MYO10: variants seen among roughly 807,000 people sequenced by gnomAD.
MYO10 encodes unconventional myosin-X.
In MYO10, 133 loss-of-function variants were observed where a neutral mutation model predicts 257.3. The ratio of observed to expected loss-of-function variants is 0.52; its 90% CI spans 0.45 to 0.60. The LOEUF is 0.60. Ranked by LOEUF, MYO10 falls within the 20% of genes least tolerant of loss-of-function variation. The pLI, the probability that MYO10 is intolerant of heterozygous loss-of-function variation, is 0.00. For synonymous variants in MYO10, 1,104 were observed against 1,028.6 expected (o/e 1.07, Z -1.40); for missense variants, 2,399 against 2,635.7 (o/e 0.91, Z 1.97).
intron 2 of MYO10, among the ~76,000 whole-genome samples, chr5:16,854,346 T>C (rs1298869834): frequency 6.6e-6 from 1 of 152,246 alleles, no homozygotes; most frequent in Non-Finnish European, 1.5e-5. Flanking sequence ...CATATTCATA[T>C]AATGGACTAT....
At chr5:16,752,428 G>A (rs1228422805) in intron 19 of MYO10, among the ~76,000 whole-genome samples, 9 of 152,000 alleles carry the variant, frequency 5.9e-5, no homozygotes, top group African/African-American at 1.2e-4. Context: ...GACTACAGAC[G>A]TGTGCCACCA....
rs769986180 is a variant in MYO10, at chr5:16,673,926, ATGGGGGCTGGCTGC to A, written c.4965-51_4965-38del. The A allele has an allele frequency of 2.5e-6, 4 of 1,592,464 alleles. No individual in the cohort carries two copies. In the Admixed American group the frequency reaches 6.7e-5, roughly 27 times the overall value. ...ACACTAACTGTTAATTTTTAGACTG[ATGGGGGCTGGCTGC>A]TGGGAGGAACTAGGCTGTGCCAAGG... On this transcript the variant is annotated intron_variant, in intron 35 of 40. Coordinates refer to ENST00000513610, the MANE Select transcript of MYO10 (RefSeq NM_012334.3).
In MYO10 at chr5:16,780,605, G is replaced by A. The variant is rs1395773613; in HGVS notation, c.745C>T (p.Arg249Ter). The A allele has an allele frequency of 1.9e-6, 3 of 1,574,004 alleles. No individual in the cohort carries two copies. Among genetic ancestry groups the A allele is most frequent in the Non-Finnish European group, 2.6e-6 (3 of 1,157,378 alleles). ...RIVDYLLEKN[R>*]VVRQNPGERN... Reference sequence around the variant, plus strand: ...TCCCCGGGATTTTGCCTTACTACTCGGTTCTGGGAAGATAAATCAGATTTA... The same window carrying A: ...TCCCCGGGATTTTGCCTTACTACTCAGTTCTGGGAAGATAAATCAGATTTA... The change falls in exon 8 of 41, where the codon CGA becomes TGA. Residue 249 changes from arginine (R) to a stop codon, truncating the protein, a stop_gained. Transcript: ENST00000513610. LOFTEE classifies it high-confidence loss of function.
intron 19 of MYO10, among the ~76,000 whole-genome samples, chr5:16,715,600 T>C (rs1738833478): frequency 6.8e-6 from 1 of 147,054 alleles, no homozygotes; most frequent in Non-Finnish European, 1.5e-5. Context: ...TCACCCAGCC[T>C]GGGGGTTTCT....
At chr5:16,782,913 G>A (rs528764974) in intron 5 of MYO10, among the ~76,000 whole-genome samples, 8 of 152,258 alleles carry the variant, frequency 5.3e-5, no homozygotes, top group East Asian at 1.9e-4. Context: ...AACCCTGCTC[G>A]TCTCCACGCT....
intron 3 of MYO10, among the ~76,000 whole-genome samples, chr5:16,802,325 G>A (rs1742143724): frequency 1.3e-5 from 2 of 152,034 alleles, no homozygotes; most frequent in South Asian, 4.2e-4. Flanking sequence ...TTTTGTTCAT[G>A]CATTTTACCA....
chr5:16,774,604 G>T, intron 9 of MYO10, among the ~76,000 whole-genome samples: 1 of 151,868 alleles, frequency 6.6e-6, no homozygotes. Flanking sequence ...TGTATTTTTA[G>T]TAGAGACGGG....
At chr5:16,821,447 T>TG (rs1742809813) in intron 2 of MYO10, among the ~76,000 whole-genome samples, 1 of 5,190 alleles carries the variant, frequency 1.9e-4, no homozygotes, top group African/African-American at 5.4e-4. Flanking sequence ...TATTTTCTTT[T>TG]TTTTTTTTTT....
Position 16,666,446 on chromosome 5 carries a change from GGCATGTGTCCTCT to G in MYO10, c.*233_*245del. On this transcript the variant is annotated 3_prime_UTR_variant, in exon 41 of 41. Coordinates refer to ENST00000513610, the MANE Select transcript of MYO10 (RefSeq NM_012334.3). ...CGTGGTTCCTCCCCTCCTTTTTTAAGGCATGTGTCCTCTAAGAGTAGTAAAGCTTTGGAAACTG... is the reference window on the plus strand; with the variant it reads ...CGTGGTTCCTCCCCTCCTTTTTTAAGAAGAGTAGTAAAGCTTTGGAAACTG... 1 of 411,184 alleles carries G rather than the reference GGCATGTGTCCTCT, an allele frequency of 2.4e-6. No homozygotes were observed. Among genetic ancestry groups the G allele is most frequent in the Non-Finnish European group, 4.3e-6 (1 of 232,678 alleles). 25.5% of individuals were successfully genotyped at this position (411,184 alleles called of 1,614,324 possible). A position where few individuals can be genotyped will look rare whatever the true frequency, so the allele number is the denominator to read the frequency against.
At chr5:16,737,602 G>GT (rs1739856084) in intron 19 of MYO10, among the ~76,000 whole-genome samples, 1 of 152,224 alleles carries the variant, frequency 6.6e-6, no homozygotes, top group African/African-American at 2.4e-5. Flanking sequence ...TAACTTACAT[G>GT]TAGATGCCGT....
chr5:16,693,857 T>C (rs1209764355), intron 27 of MYO10, among the ~76,000 whole-genome samples: 1 of 152,230 alleles, frequency 6.6e-6, no homozygotes, highest in Non-Finnish European at 1.5e-5. Flanking sequence ...AAAGGGGGCA[T>C]GTTGGATTTG....
chr5:16,905,079 A>G (rs1175988763), intron 1 of MYO10, among the ~76,000 whole-genome samples: 1 of 152,226 alleles, frequency 6.6e-6, no homozygotes, highest in Admixed American at 6.5e-5. Flanking sequence ...GCCTCTACTC[A>G]GTGAGTCTTG....
chr5:16,862,817 A>G (rs570323333), intron 2 of MYO10, among the ~76,000 whole-genome samples: 2 of 152,332 alleles, frequency 1.3e-5, no homozygotes, highest in Non-Finnish European at 2.9e-5. Context: ...ACAGGGGTCA[A>G]TAGCACCAAA....
intron 1 of MYO10, among the ~76,000 whole-genome samples, chr5:16,894,227 C>G (rs1745157989): frequency 6.6e-6 from 1 of 152,152 alleles, no homozygotes; most frequent in South Asian, 2.1e-4. Context: ...TCCCAGGACC[C>G]CTTCTGGGAC....
chr5:16,675,527 C>T (rs1736684622), intron 34 of MYO10, among the ~76,000 whole-genome samples: 1 of 152,074 alleles, frequency 6.6e-6, no homozygotes, highest in Non-Finnish European at 1.5e-5. Context: ...CACTTCAGGC[C>T]AGGAGTTCAA....
chr5:16,907,051 T>C (rs1415633707), intron 1 of MYO10, among the ~76,000 whole-genome samples: 1 of 151,784 alleles, frequency 6.6e-6, no homozygotes, highest in African/African-American at 2.4e-5. Context: ...AAGGTGGAGG[T>C]TGCAGTGAGC....
chr5:16,818,223 C>T (rs1742684436), intron 2 of MYO10, 56 bp from the exon 3 acceptor site: 2 of 1,348,542 alleles, frequency 1.5e-6, no homozygotes, highest in Non-Finnish European at 2.0e-6. Context: ...TGATTTTTCA[C>T]ACAAGTTTCC....
chr5:16,751,800 G>A (rs1474755537), intron 19 of MYO10, among the ~76,000 whole-genome samples: 1 of 152,020 alleles, frequency 6.6e-6, no homozygotes, highest in East Asian at 1.9e-4. Context: ...CTTTAAAAGG[G>A]CACCAAGACA....
At chr5:16,867,677 T>C (rs1178286474) in intron 2 of MYO10, among the ~76,000 whole-genome samples, 5 of 152,190 alleles carry the variant, frequency 3.3e-5, no homozygotes, top group South Asian at 2.1e-4. Context: ...GGAGCTGCGA[T>C]TGCTTTAAGT....
Sources: gnomAD v4.1 joint callset for allele counts (sites outside exome capture counted in the v4.1 genomes callset) on GRCh38, gnomAD v4.1.1 for gene constraint, MANE v1.5 for transcripts, NCBI Gene and HGNC (gene_info 2026-07-23, HGNC 2026-07-21) for gene names.